HIVEP1: variants seen among roughly 807,000 people sequenced by gnomAD.
HIVEP1 encodes HIVEP zinc finger 1, also known as zinc finger protein 40.
Under a neutral mutation model 180.0 loss-of-function variants are expected in HIVEP1, and 36 were observed. The ratio of observed to expected loss-of-function variants is 0.20; its 90% confidence interval spans 0.15 to 0.26. The LOEUF (loss-of-function observed/expected upper bound fraction) is 0.26. HIVEP1 is among the 10% of genes least tolerant of loss of function. The pLI is 1.00. For missense variants in HIVEP1, 3,143 were observed against 3,268.7 expected (o/e 0.96, Z 0.94); for synonymous variants, 1,239 against 1,239.0 (o/e 1.00, Z 0.00).
At position 12,120,620 on chromosome 6, in the gene HIVEP1, G is replaced by C; in HGVS notation, c.825G>C (p.Gly275=). Residue 275 remains glycine, a synonymous_variant, in exon 4 of 9, where the codon GGG becomes GGC. Coordinates refer to ENST00000379388, the MANE Select transcript of HIVEP1 (RefSeq NM_002114.4). ...CTGCTGCTCAGAAGAATGAGCAAGG[G>C]GCAATGCAGTCAGCTTCTCATTTGT... ...HMSAAQKNEQ[G]AMQSASHLYH... 1 of 1,614,154 alleles carries C rather than the reference G, an allele frequency of 6.2e-7. No homozygotes were observed.
chr6:12,096,844 A>G (rs1326178492), intron 3 of HIVEP1, among the ~76,000 whole-genome samples: 2 of 152,092 alleles, frequency 1.3e-5, no homozygotes, highest in Admixed American at 1.3e-4. Flanking sequence ...AGTATAGTAG[A>G]AAAGATGGAC....
the HIVEP1 span, among the ~76,000 whole-genome samples, chr6:12,172,560 A>G: frequency 6.6e-6 from 1 of 152,348 alleles, no homozygotes; most frequent in Admixed American, 6.5e-5. Context: ...AAATTTTCTT[A>G]CTTAAACTAA....
chr6:12,066,162 G>A (rs58363859), intron 2 of HIVEP1, among the ~76,000 whole-genome samples: 8,895 of 152,154 alleles, frequency 0.058, 364 homozygotes, highest in Middle Eastern at 0.14. Flanking sequence ...CGATTCTTAC[G>A]CTGGATGGGA....
chr6:12,055,022 G>A (rs1581591112), intron 2 of HIVEP1, among the ~76,000 whole-genome samples: 1 of 152,332 alleles, frequency 6.6e-6, no homozygotes, highest in Middle Eastern at 3.4e-3. Context: ...AGATGGGCAA[G>A]TTCCTGCTCT....
At chr6:12,151,514 A>G (rs1209044085) in intron 7 of HIVEP1, among the ~76,000 whole-genome samples, 1 of 152,210 alleles carries the variant, frequency 6.6e-6, no homozygotes. Context: ...TCCTAAGTTC[A>G]TAGAAACCTG....
intron 2 of HIVEP1, among the ~76,000 whole-genome samples, chr6:12,040,777 C>T (rs1277467331): frequency 1.3e-5 from 2 of 151,988 alleles, no homozygotes; most frequent in Non-Finnish European, 2.9e-5. Flanking sequence ...GGAAGCATAG[C>T]ACTGGCATCT....
chr6:12,116,070 C>T (rs886203639), intron 3 of HIVEP1, among the ~76,000 whole-genome samples: 4 of 151,990 alleles, frequency 2.6e-5, no homozygotes, highest in Admixed American at 6.5e-5. Flanking sequence ...AATTTTATTT[C>T]TGCTTTGAAG....
chr6:12,018,251 T>A (rs1767962643), intron 2 of HIVEP1, among the ~76,000 whole-genome samples: 1 of 152,180 alleles, frequency 6.6e-6, no homozygotes, highest in African/African-American at 2.4e-5. Flanking sequence ...CGGCCCCCGT[T>A]CCTGCCCGCG....
At chr6:12,189,181 AGATT>A in the HIVEP1 span, among the ~76,000 whole-genome samples, 1 of 151,992 alleles carries the variant, frequency 6.6e-6, no homozygotes, top group Non-Finnish European at 1.5e-5. Flanking sequence ...AATAAATTTC[AGATT>A]GATTAAATAT....
chr6:12,049,311 G>C (rs1269671762), intron 2 of HIVEP1, among the ~76,000 whole-genome samples: 1 of 152,190 alleles, frequency 6.6e-6, no homozygotes, highest in Non-Finnish European at 1.5e-5. Flanking sequence ...TTCCTCTGCA[G>C]GGTTCTGACC....
chr6:12,165,793 G>T (rs60390159), downstream of HIVEP1, among the ~76,000 whole-genome samples: 878 of 152,328 alleles, frequency 5.8e-3, 6 homozygotes, highest in African/African-American at 0.02. Flanking sequence ...CATGGTTTGC[G>T]AGGTGAGAGG....
chr6:12,108,533 C>G (rs190049636), intron 3 of HIVEP1, among the ~76,000 whole-genome samples: 4,608 of 152,318 alleles, frequency 0.03, 99 homozygotes, highest in Non-Finnish European at 0.046. Context: ...AGCCCTGCCC[C>G]GCAGGAAGGC....
intron 3 of HIVEP1, among the ~76,000 whole-genome samples, chr6:12,104,788 A>G (rs1031800237): frequency 5.3e-5 from 8 of 152,098 alleles, no homozygotes; most frequent in Admixed American, 1.3e-4. Flanking sequence ...TAGTTCTATT[A>G]TGGTATTTTT....
intron 2 of HIVEP1, among the ~76,000 whole-genome samples, chr6:12,079,275 T>C (rs961998784): frequency 3.9e-5 from 6 of 152,212 alleles, no homozygotes; most frequent in African/African-American, 1.4e-4. Flanking sequence ...ATAGTTTTTG[T>C]ATCTTCAAGC....
At chr6:12,020,196 C>T in intron 2 of HIVEP1, 1 of 415,250 alleles carries the variant, frequency 2.4e-6, no homozygotes, top group Middle Eastern at 3.6e-4. Flanking sequence ...CACCCTTGGC[C>T]CAGCGTTAAA....
At position 12,125,574 on chromosome 6, in the gene HIVEP1, G is replaced by A; in HGVS notation, c.5779G>A (p.Asp1927Asn). 1.2e-6 allele frequency: 2 copies of A among 1,614,146 alleles called. No individual in the cohort carries two copies. Among genetic ancestry groups the A allele is most frequent in the Non-Finnish European group, 1.7e-6 (2 of 1,180,024 alleles). ...TTCTCTTTCATTGTTTAACATCAAG[G>A]ACACCCAGCAGCTGGCTTTCCCTAG... is the stretch of plus-strand genomic sequence containing the variant. ...VTSLSLFNIK[D>N]TQQLAFPSLK... The change falls in exon 4 of 9, where the codon GAC becomes AAC. Residue 1927 changes from aspartate to asparagine, a missense_variant. By Grantham distance (23) the Asp-to-Asn change is conservative. This residue lies in a region of HIVEP1 where 1,357 missense variants were observed against 1,260.5 expected (regional missense o/e 1.08). Transcript: ENST00000379388.
At chr6:12,059,829 A>G (rs2113748591) in intron 2 of HIVEP1, among the ~76,000 whole-genome samples, 1 of 152,252 alleles carries the variant, frequency 6.6e-6, no homozygotes, top group Middle Eastern at 3.4e-3. Flanking sequence ...CTGTGTCCCT[A>G]AACTGTAGGG....
chr6:12,184,257 A>T, the HIVEP1 span, among the ~76,000 whole-genome samples: 1 of 152,222 alleles, frequency 6.6e-6, no homozygotes, highest in Non-Finnish European at 1.5e-5. Flanking sequence ...GAGAATACAG[A>T]TGATATATTT....
At chr6:12,110,322 T>A (rs1448391078) in intron 3 of HIVEP1, among the ~76,000 whole-genome samples, 2 of 152,252 alleles carry the variant, frequency 1.3e-5, no homozygotes, top group Non-Finnish European at 2.9e-5. Context: ...AGGCATTGAC[T>A]TCTCTCTAGT....
Sources: allele counts gnomAD v4.1 joint callset (sites outside exome capture counted in the v4.1 genomes callset), GRCh38; gene constraint gnomAD v4.1.1; regional missense constraint gnomAD v4.1.1; transcripts MANE v1.5; gene names NCBI Gene and HGNC (gene_info 2026-07-23, HGNC 2026-07-21).